Variants in MMP27 observed in about 807,000 individuals in gnomAD.
The protein encoded by MMP27 is matrix metalloproteinase-27.
In MMP27, 51 loss-of-function variants were observed where a neutral mutation model predicts 48.1. That is an observed-to-expected ratio of 1.06 (90% CI 0.85 to 1.34). The LOEUF (loss-of-function observed/expected upper bound fraction) is 1.34, where lower values mean the gene tolerates loss of function less well. MMP27 is among the 40% of genes most tolerant of loss of function. The probability of loss-of-function intolerance (pLI) is 0.00; values close to 1 mark genes in which losing one functional copy is unlikely to be tolerated. For missense variants in MMP27, 698 were observed against 619.3 expected, an observed-to-expected ratio of 1.13 and a Z score of -1.35; for synonymous variants, 229 against 208.9, an observed-to-expected ratio of 1.10 and a Z score of -0.83.
At chr11:102,699,996 C>G (rs182646601) in intron 4 of MMP27, among the ~76,000 whole-genome samples, 12 of 152,316 alleles carry the variant, frequency 7.9e-5, no homozygotes, top group African/African-American at 2.2e-4. Context: ...GGACTTTCTT[C>G]TGTGAGGACC....
At chr11:102,694,383 C>T (rs1194393782) in intron 7 of MMP27, among the ~76,000 whole-genome samples, 1 of 152,126 alleles carries the variant, frequency 6.6e-6, no homozygotes, top group African/African-American at 2.4e-5. Context: ...CATTGTACCC[C>T]ATAAATATGT....
chr11:102,694,826 T>G (rs962557072), intron 7 of MMP27, 141 bp downstream of exon 7: 9 of 854,862 alleles, frequency 1.1e-5, no homozygotes, highest in African/African-American at 1.7e-5. Flanking sequence ...TTATTTATAT[T>G]CTTTACGACA....
intron 4 of MMP27, among the ~76,000 whole-genome samples, chr11:102,700,984 C>A (rs1047350878): frequency 2.0e-5 from 3 of 152,198 alleles, no homozygotes; most frequent in Non-Finnish European, 4.4e-5. Flanking sequence ...AAGAGGTGAT[C>A]ATATAGGTTA....
At chr11:102,705,153 A>G (rs1374482180) in intron 1 of MMP27, among the ~76,000 whole-genome samples, 1 of 152,230 alleles carries the variant, frequency 6.6e-6, no homozygotes, top group Non-Finnish European at 1.5e-5. Flanking sequence ...TTCTAGGATA[A>G]ATAAGTGATT....
chr11:102,693,419 A>G (rs1860761903), intron 8 of MMP27, among the ~76,000 whole-genome samples: 1 of 152,098 alleles, frequency 6.6e-6, no homozygotes. Context: ...AAATTGAAGG[A>G]AAGTCATTAG....
chr11:102,692,940 T>C lies in MMP27; in HGVS notation c.1295A>G (p.Lys432Arg), dbSNP rs1173288356. 6.2e-6 allele frequency: 10 copies of C among 1,611,184 alleles called. No individual in the cohort carries two copies. The highest frequency in any genetic ancestry group is 8.5e-6 in the Non-Finnish European group (10 of 1,177,500). Residue 432 changes from lysine to arginine, a missense_variant and splice_region_variant, in exon 9 of 10, where the codon AAA (lysine) becomes AGA (arginine). Transcript: ENST00000260229. Reference protein sequence around the residue: ...SIRVDAAFQYKGFFFFSRGSK... With the variant: ...SIRVDAAFQYRGFFFFSRGSK... ...ATAAGTGAGACATCCATGCTTACCT[T>C]TGTACTGGAAAGCAGCATCAACACG...
chr11:102,705,637 A>G lies in MMP27; in HGVS notation c.78T>C (p.Asn26=), dbSNP rs375954547. The G allele has an allele frequency of 1.1e-5, 17 of 1,591,214 alleles. No individual in the cohort carries two copies. In the African/African-American group the frequency reaches 1.6e-4, roughly 15 times the overall value. ...SAFPLVRMTE[N]EENMQLAQAY... ...CCTGAGCCAGTTGCATATTTTCTTC[A>G]TTTTCCGTCATCCGGACTAAGGGAA... Residue 26 remains asparagine (N), a synonymous_variant, in exon 1 of 10, where the codon AAT becomes AAC. Transcript: ENST00000260229.
chr11:102,705,320 T>C (rs967190721), intron 1 of MMP27, among the ~76,000 whole-genome samples: 1 of 152,156 alleles, frequency 6.6e-6, no homozygotes, highest in African/African-American at 2.4e-5. Flanking sequence ...TGAAATGCTT[T>C]TATAGTGATC....
At chr11:102,698,575 A>C (rs1403926229) in intron 4 of MMP27, among the ~76,000 whole-genome samples, 1 of 152,170 alleles carries the variant, frequency 6.6e-6, no homozygotes, top group South Asian at 2.1e-4. Context: ...GTATTGCTAT[A>C]GGATAAAGTC....
chr11:102,705,626 A>G lies in MMP27; in HGVS notation c.89T>C (p.Met30Thr). 6.3e-7 allele frequency: 1 copy of G among 1,574,910 alleles called. No individual in the cohort carries two copies. Among genetic ancestry groups the G allele is most frequent in the Non-Finnish European group, 8.6e-7 (1 of 1,156,612 alleles). The change falls in exon 1 of 10, where the codon ATG becomes ACG. Residue 30 changes from methionine to threonine, a missense_variant. Coordinates refer to ENST00000260229, the MANE Select transcript of MMP27 (RefSeq NM_022122.3). Reference sequence around the variant, plus strand: ...TTAAGACAGTACCTGAGCCAGTTGCATATTTTCTTCATTTTCCGTCATCCG... The same window carrying G: ...TTAAGACAGTACCTGAGCCAGTTGCGTATTTTCTTCATTTTCCGTCATCCG... ...LVRMTENEEN[M>T]QLAQAYLNQF... is the part of the protein sequence containing the mutation.
chr11:102,704,904 G>A (rs1861018462), intron 1 of MMP27, 129 bp from the exon 2 acceptor site: 2 of 611,788 alleles, frequency 3.3e-6, no homozygotes, highest in East Asian at 5.5e-5. Context: ...AAGAAGTAAT[G>A]AGAGAAAGTG....
chr11:102,701,915 A>G (rs545729098), intron 4 of MMP27, among the ~76,000 whole-genome samples: 1 of 152,282 alleles, frequency 6.6e-6, no homozygotes, highest in Admixed American at 6.5e-5. Context: ...CTTGTATACT[A>G]TCCATCAGGA....
In MMP27 at chr11:102,705,687, A is replaced by G; in HGVS notation, c.28T>C (p.Phe10Leu). MKRLLLLFL[F>L]FITFSSAFPL... ...AATGCAGAAGAAAATGTTATAAAGA[A>G]CAAAAACAGAAGCAGAAGGCGCTTC... The change falls in exon 1 of 10, where the codon TTC becomes CTC. Residue 10 changes from phenylalanine (F) to leucine (L), a missense_variant. Physicochemically the swap from Phe to Leu is conservative, Grantham distance 22 (BLOSUM62 0). Transcript: ENST00000260229. The G allele has an allele frequency of 2.5e-6, 4 of 1,606,898 alleles. No homozygotes were observed. Among genetic ancestry groups the G allele is most frequent in the Non-Finnish European group, 3.4e-6 (4 of 1,177,870 alleles).
chr11:102,705,299 C>T lies in MMP27; in HGVS notation c.102+314G>A, dbSNP rs902383668. ...GGCTCCAAATTGTAGATTGGGTCCT[C>T]CTGGTTGTCTTGAAATGCTTTTATA... On this transcript the variant is annotated intron_variant, in intron 1 of 9. Coordinates refer to ENST00000260229, the MANE Select transcript of MMP27 (RefSeq NM_022122.3). Among the ~76,000 whole-genome samples, 3 of 152,002 alleles carry T rather than the reference C, an allele frequency of 2.0e-5. No homozygotes were observed. In the South Asian group the frequency reaches 6.3e-4, roughly 32 times the overall value.
intron 4 of MMP27, among the ~76,000 whole-genome samples, chr11:102,701,829 C>T (rs1186975147): frequency 2.0e-5 from 3 of 152,182 alleles, no homozygotes; most frequent in African/African-American, 7.2e-5. Flanking sequence ...GTGTGACAGA[C>T]TTTTAGTTTC....
In MMP27 at chr11:102,703,262, CTTTA is replaced by C. The variant is rs1860980734; in HGVS notation, c.342-148_342-145del. 8 of 695,110 alleles carry C rather than the reference CTTTA, an allele frequency of 1.2e-5. No homozygotes were observed. In the South Asian group the frequency reaches 1.4e-4, roughly 12 times the overall value. The allele number at this position is 695,110 out of a possible 1,614,324, so 43.1% of individuals were successfully genotyped here. On this transcript the variant is annotated intron_variant, in intron 2 of 9. Coordinates refer to ENST00000260229, the MANE Select transcript of MMP27 (RefSeq NM_022122.3). ...CAATTATCTTACAGTTGCATTAGCA[CTTTA>C]TTTAAATGAAATACTCTTACATATA...
At chr11:102,698,671 T>G (rs905000558) in intron 4 of MMP27, among the ~76,000 whole-genome samples, 2 of 152,184 alleles carry the variant, frequency 1.3e-5, no homozygotes, top group Non-Finnish European at 2.9e-5. Flanking sequence ...AAGCTAACTA[T>G]GTTAAATCGC....
At position 102,693,869 on chromosome 11, in the gene MMP27, C is replaced by T. The variant is rs1040788584; in HGVS notation, c.1193+37G>A. The T allele has an allele frequency of 6.0e-6, 9 of 1,504,188 alleles. No individual in the cohort carries two copies. The African/African-American group carries it at 8.5e-5, about 14-fold the overall frequency. 93.2% of individuals were successfully genotyped at this position (1,504,188 alleles called of 1,614,324 possible). A position where few individuals can be genotyped will look rare whatever the true frequency, so the allele number is the denominator to read the frequency against. The stretch of plus-strand genomic sequence containing the variant: ...TGATGCTATTGTGAATATTTTTCTC[C>T]ATAATAAAACAAAGTGTCAATTGTC... On this transcript the variant is annotated intron_variant, in intron 8 of 9. Transcript: ENST00000260229.
At chr11:102,701,188 C>G (rs963702555) in intron 4 of MMP27, among the ~76,000 whole-genome samples, 1 of 152,148 alleles carries the variant, frequency 6.6e-6, no homozygotes, top group Admixed American at 6.5e-5. Context: ...AGAAGACAAT[C>G]CTTTTTGGAA....
Sources: allele counts gnomAD v4.1 joint callset (sites outside exome capture counted in the v4.1 genomes callset), GRCh38; gene constraint gnomAD v4.1.1; transcripts MANE v1.5; gene names NCBI Gene and HGNC (gene_info 2026-07-23, HGNC 2026-07-21).